Variants in TLE4 observed in about 807,000 individuals in gnomAD.
The protein encoded by TLE4 is TLE family member 4, transcriptional corepressor, also known as transducin-like enhancer protein 4.
A neutral mutation model predicts 92.8 loss-of-function variants in TLE4; 8 were observed. That is an observed-to-expected ratio of 0.09 (90% CI 0.05 to 0.16). TLE4 has a LOEUF of 0.16. TLE4 is among the 10% of genes least tolerant of loss of function. The pLI is 1.00. For missense variants in TLE4, 675 were observed against 997.6 expected, an observed-to-expected ratio of 0.68 and a Z score of 4.36; for synonymous variants, 371 against 374.1, an observed-to-expected ratio of 0.99 and a Z score of 0.10.
intron 4 of TLE4, among the ~76,000 whole-genome samples, chr9:79,578,641 C>T (rs1195681819): frequency 6.6e-6 from 1 of 152,064 alleles, no homozygotes; most frequent in Non-Finnish European, 1.5e-5. Context: ...AAAATGAAAC[C>T]TATGGGGAAT....
At chr9:79,722,079 C>T (rs983207551) in intron 17 of TLE4, among the ~76,000 whole-genome samples, 191 bp downstream of exon 17, 28 of 152,110 alleles carry the variant, frequency 1.8e-4, no homozygotes, top group African/African-American at 6.3e-4. Context: ...GCAGGAGAAT[C>T]GCTTGAATGC....
intron 5 of TLE4, among the ~76,000 whole-genome samples, chr9:79,624,532 C>A (rs896822866): frequency 2.6e-5 from 4 of 152,180 alleles, no homozygotes; most frequent in Non-Finnish European, 5.9e-5. Context: ...CAGATATCAG[C>A]CCACAGCCAT....
intron 4 of TLE4, among the ~76,000 whole-genome samples, chr9:79,602,118 C>T (rs751417054): frequency 3.9e-5 from 6 of 152,136 alleles, no homozygotes; most frequent in Non-Finnish European, 7.3e-5. Flanking sequence ...GAGAAAGCTG[C>T]AGAAGAAAGG....
At chr9:79,658,857 G>C (rs1273411608) in intron 8 of TLE4, among the ~76,000 whole-genome samples, 1 of 152,216 alleles carries the variant, frequency 6.6e-6, no homozygotes, top group East Asian at 1.9e-4. Context: ...ACACTAAAGA[G>C]TGTTTAAGCA....
At chr9:79,627,526 C>T (rs2052930842) in intron 6 of TLE4, 78 bp downstream of exon 6, 1 of 1,454,888 alleles carries the variant, frequency 6.9e-7, no homozygotes, top group Non-Finnish European at 9.6e-7. Context: ...ACATTTTGTT[C>T]CGCCAAAGGG....
At chr9:79,689,107 C>G (rs556392201) in intron 8 of TLE4, among the ~76,000 whole-genome samples, 1 of 152,246 alleles carries the variant, frequency 6.6e-6, no homozygotes, top group East Asian at 1.9e-4. Flanking sequence ...CTCTTATAAG[C>G]CACTTCTCTA....
At chr9:79,691,585 T>A (rs1442944721) in intron 8 of TLE4, among the ~76,000 whole-genome samples, 2 of 151,998 alleles carry the variant, frequency 1.3e-5, no homozygotes, top group African/African-American at 2.4e-5. Context: ...GCATCACCCC[T>A]CTGTGCTCTC....
intron 8 of TLE4, among the ~76,000 whole-genome samples, chr9:79,659,191 T>A (rs1564708940): frequency 6.6e-6 from 1 of 152,210 alleles, no homozygotes; most frequent in African/African-American, 2.4e-5. Context: ...GAAAGCTCTT[T>A]GGGTAACCCA....
At chr9:79,605,034 G>A (rs1004778750) in intron 4 of TLE4, among the ~76,000 whole-genome samples, 7 of 152,008 alleles carry the variant, frequency 4.6e-5, no homozygotes, top group East Asian at 1.9e-4. Flanking sequence ...AAGAAGAGGA[G>A]GGGAGGGAGA....
chr9:79,724,880 AAGC>A (rs2076227856), intron 19 of TLE4, among the ~76,000 whole-genome samples, 154 bp from the exon 20 acceptor site: 1 of 148,688 alleles, frequency 6.7e-6, no homozygotes, highest in Non-Finnish European at 1.5e-5. Context: ...AAAAAAAAAA[AAGC>A]AGCAGTACTG....
chr9:79,675,205 G>T (rs1401089371), intron 8 of TLE4, among the ~76,000 whole-genome samples: 1 of 152,092 alleles, frequency 6.6e-6, no homozygotes, highest in Non-Finnish European at 1.5e-5. Flanking sequence ...CTGACTTTTG[G>T]AGATTTACAG....
intron 8 of TLE4, among the ~76,000 whole-genome samples, chr9:79,668,630 C>T (rs2061781658): frequency 6.6e-6 from 1 of 152,074 alleles, no homozygotes; most frequent in South Asian, 2.1e-4. Context: ...GATTCCCCCT[C>T]CTCAACTTAA....
intron 4 of TLE4, among the ~76,000 whole-genome samples, chr9:79,609,010 G>A (rs973805972): frequency 3.3e-5 from 5 of 152,032 alleles, no homozygotes; most frequent in Admixed American, 2.6e-4. Flanking sequence ...TAAATGATTA[G>A]TAAAATTTGT....
intron 6 of TLE4, among the ~76,000 whole-genome samples, chr9:79,647,328 T>TTAATTA (rs2134069230): frequency 6.6e-6 from 1 of 152,276 alleles, no homozygotes; most frequent in African/African-American, 2.4e-5. Flanking sequence ...TTTGAGTTCA[T>TTAATTA]TAATTAGTTC....
At chr9:79,706,607 G>T (rs938395792) in intron 10 of TLE4, 140 bp from the exon 11 acceptor site, 5 of 1,074,070 alleles carry the variant, frequency 4.7e-6, no homozygotes, top group African/African-American at 1.6e-5. Context: ...AGTAGTTTCA[G>T]TGAGTATTGT....
intron 4 of TLE4, among the ~76,000 whole-genome samples, chr9:79,599,898 A>G (rs1410293009): frequency 6.6e-6 from 1 of 152,160 alleles, no homozygotes; most frequent in Non-Finnish European, 1.5e-5. Context: ...ACTTCTCAGT[A>G]TCTGAAATTC....
intron 6 of TLE4, among the ~76,000 whole-genome samples, chr9:79,649,068 C>T (rs1016285709): frequency 6.6e-6 from 1 of 152,060 alleles, no homozygotes; most frequent in Non-Finnish European, 1.5e-5. Flanking sequence ...GCAGATACAT[C>T]AGAAAAAGAA....
At chr9:79,585,791 A>C (rs2132146740) in intron 4 of TLE4, among the ~76,000 whole-genome samples, 1 of 152,172 alleles carries the variant, frequency 6.6e-6, no homozygotes, top group East Asian at 1.9e-4. Flanking sequence ...ATTTTTTATA[A>C]GGTACTTTCT....
chr9:79,638,070 T>C (rs750159683), intron 6 of TLE4, among the ~76,000 whole-genome samples: 21 of 152,112 alleles, frequency 1.4e-4, no homozygotes, highest in Non-Finnish European at 2.2e-4. Context: ...GTTCAGAAAC[T>C]TGGAAATCAG....
Sources: allele counts gnomAD v4.1 joint callset (sites outside exome capture counted in the v4.1 genomes callset), GRCh38; gene constraint gnomAD v4.1.1; transcripts MANE v1.5; gene names NCBI Gene and HGNC (gene_info 2026-07-23, HGNC 2026-07-21).